The following CDH13 variants were observed in gnomAD, a reference collection of about 807,000 sequenced individuals.
CDH13 encodes the protein cadherin-13.
A neutral mutation model predicts 63.8 loss-of-function variants in CDH13; 24 were observed. The observed-to-expected ratio is 0.38, with a 90% CI of 0.27 to 0.53. The LOEUF is 0.53. Ranked by LOEUF, CDH13 falls within the 20% of genes least tolerant of loss-of-function variation. The probability of loss-of-function intolerance (pLI) is 0.85; values close to 1 mark genes in which losing one functional copy is unlikely to be tolerated. For synonymous variants in CDH13, 503 were observed against 355.3 expected, an observed-to-expected ratio of 1.42 and a Z score of -4.67; for missense variants, 1,049 against 903.1, an observed-to-expected ratio of 1.16 and a Z score of -2.07.
intron 2 of CDH13, among the ~76,000 whole-genome samples, chr16:82,921,526 C>T (rs2042153704): frequency 6.6e-6 from 1 of 152,190 alleles, no homozygotes; most frequent in Non-Finnish European, 1.5e-5. Flanking sequence ...ATATTTAATT[C>T]AATCACATAT....
intron 2 of CDH13, among the ~76,000 whole-genome samples, chr16:82,932,238 G>C (rs536612612): frequency 6.6e-6 from 1 of 152,228 alleles, no homozygotes; most frequent in East Asian, 1.9e-4. Flanking sequence ...GCCCAACATT[G>C]ACACACACTT....
At chr16:82,668,133 T>C (rs1912821626) in intron 1 of CDH13, among the ~76,000 whole-genome samples, 1 of 152,088 alleles carries the variant, frequency 6.6e-6, no homozygotes, top group Non-Finnish European at 1.5e-5. Flanking sequence ...CCAGTGAGTT[T>C]ACAAAGACTT....
At chr16:83,632,148 T>C (rs983889540) in intron 8 of CDH13, among the ~76,000 whole-genome samples, 3 of 152,166 alleles carry the variant, frequency 2.0e-5, no homozygotes, top group African/African-American at 7.2e-5. Flanking sequence ...GCTTTTATGT[T>C]TCCTCATTGT....
At chr16:82,675,299 A>T (rs566161895) in intron 1 of CDH13, among the ~76,000 whole-genome samples, 1 of 152,330 alleles carries the variant, frequency 6.6e-6, no homozygotes, top group Admixed American at 6.5e-5. Flanking sequence ...AAATTTATCT[A>T]GCCCATCTAT....
intron 11 of CDH13, among the ~76,000 whole-genome samples, chr16:83,759,392 A>G (rs1314043674): frequency 6.6e-6 from 1 of 152,192 alleles, no homozygotes; most frequent in Non-Finnish European, 1.5e-5. Context: ...ACAATAATTA[A>G]TTCTAGATAT....
At chr16:83,604,558 G>A (rs1015976064) in intron 8 of CDH13, among the ~76,000 whole-genome samples, 3 of 152,198 alleles carry the variant, frequency 2.0e-5, no homozygotes, top group Non-Finnish European at 2.9e-5. Flanking sequence ...TTCTCTAACA[G>A]GGTTAGGTAT....
intron 1 of CDH13, among the ~76,000 whole-genome samples, chr16:82,665,474 A>T (rs376593124): frequency 6.6e-6 from 1 of 152,210 alleles, no homozygotes; most frequent in Non-Finnish European, 1.5e-5. Flanking sequence ...ACTAGGAGCA[A>T]TGGTTCAATA....
intron 4 of CDH13, among the ~76,000 whole-genome samples, chr16:83,188,819 T>C (rs2038608428): frequency 6.6e-6 from 1 of 152,236 alleles, no homozygotes; most frequent in Non-Finnish European, 1.5e-5. Context: ...CGGTTTACTG[T>C]ACCTTCTTCA....
intron 7 of CDH13, among the ~76,000 whole-genome samples, chr16:83,510,408 G>A (rs922486362): frequency 6.6e-6 from 1 of 152,178 alleles, no homozygotes; most frequent in Non-Finnish European, 1.5e-5. Flanking sequence ...CCCACAAAAT[G>A]ATAGAGATAG....
chr16:83,269,546 G>A (rs1342538598), intron 5 of CDH13, among the ~76,000 whole-genome samples: 2 of 152,132 alleles, frequency 1.3e-5, no homozygotes, highest in Non-Finnish European at 2.9e-5. Context: ...AGTGCCATGG[G>A]AACTCAGAGA....
At chr16:83,325,293 A>C (rs2090335161) in intron 5 of CDH13, among the ~76,000 whole-genome samples, 1 of 152,196 alleles carries the variant, frequency 6.6e-6, no homozygotes, top group Non-Finnish European at 1.5e-5. Flanking sequence ...AATAAATAAC[A>C]ATGAGAGAGG....
chr16:83,549,031 T>A lies in CDH13; in HGVS notation c.961-53423T>A, dbSNP rs548484547. 7.2e-5 allele frequency among the ~76,000 whole-genome samples: 11 copies of A among 152,348 alleles called. No individual in the cohort carries two copies. The East Asian group carries it at 1.9e-3, about 27-fold the overall frequency. On this transcript the variant is annotated intron_variant, in intron 7 of 13. Coordinates refer to ENST00000567109, the MANE Select transcript of CDH13 (RefSeq NM_001257.5). ...CATAATTTTCTTCCCTGTGTGGCTG[T>A]GTGCTTGTCAGTGCTCTGACAGATC... is the stretch of plus-strand genomic sequence containing the variant.
chr16:82,917,045 A>G (rs974802377), intron 2 of CDH13, among the ~76,000 whole-genome samples: 4 of 152,246 alleles, frequency 2.6e-5, no homozygotes, highest in African/African-American at 9.6e-5. Context: ...GGCAAATAAA[A>G]GGGCATAGCC....
intron 1 of CDH13, among the ~76,000 whole-genome samples, chr16:82,664,647 T>C (rs1912375773): frequency 6.6e-6 from 1 of 152,232 alleles, no homozygotes; most frequent in Non-Finnish European, 1.5e-5. Flanking sequence ...ATTCTCTAGA[T>C]GTGATTTGTT....
intron 7 of CDH13, among the ~76,000 whole-genome samples, chr16:83,543,565 C>G (rs1408537074): frequency 6.6e-6 from 1 of 152,192 alleles, no homozygotes; most frequent in African/African-American, 2.4e-5. Flanking sequence ...CCAGCAACCT[C>G]TAGCTTGGTC....
At chr16:83,147,856 A>G (rs1192738518) in intron 4 of CDH13, among the ~76,000 whole-genome samples, 1 of 152,086 alleles carries the variant, frequency 6.6e-6, no homozygotes, top group African/African-American at 2.4e-5. Context: ...CCCTGACACC[A>G]TCATAAGCTG....
At chr16:83,394,058 C>G (rs1279778855) in intron 6 of CDH13, among the ~76,000 whole-genome samples, 1 of 151,966 alleles carries the variant, frequency 6.6e-6, no homozygotes, top group Non-Finnish European at 1.5e-5. Context: ...CACATGGACA[C>G]AGAAGGCAAC....
At chr16:83,447,001 G>A (rs1385183103) in intron 6 of CDH13, among the ~76,000 whole-genome samples, 2 of 115,280 alleles carry the variant, frequency 1.7e-5, no homozygotes, top group African/African-American at 3.3e-5. Flanking sequence ...AAGGGGTTAA[G>A]AAGTAAGGAA....
intron 1 of CDH13, among the ~76,000 whole-genome samples, chr16:82,838,196 C>A (rs1597755266): frequency 1.3e-5 from 2 of 152,216 alleles, no homozygotes; most frequent in Admixed American, 1.3e-4. Flanking sequence ...GTTCCCATCA[C>A]TGAGTTCTAA....
Sources: allele counts gnomAD v4.1 joint callset (sites outside exome capture counted in the v4.1 genomes callset), GRCh38; gene constraint gnomAD v4.1.1; transcripts MANE v1.5; gene names NCBI Gene and HGNC (gene_info 2026-07-23, HGNC 2026-07-21).